Variants in HS3ST2 observed in about 807,000 individuals in gnomAD.
HS3ST2 encodes the protein heparan sulfate-glucosamine 3-sulfotransferase 2, also known as heparan sulfate glucosamine 3-O-sulfotransferase 2.
A neutral mutation model predicts 26.3 loss-of-function variants in HS3ST2; 17 were observed. The ratio of observed to expected loss-of-function variants is 0.65; its 90% CI spans 0.44 to 0.97. The LOEUF (loss-of-function observed/expected upper bound fraction) is 0.97. Among genes scored for constraint, HS3ST2 ranks in the 50% least tolerant of loss-of-function variants. The probability of loss-of-function intolerance (pLI) is 0.00; values close to 1 mark genes in which losing one functional copy is unlikely to be tolerated. For synonymous variants in HS3ST2, 237 were observed against 219.2 expected, an observed-to-expected ratio of 1.08 and a Z score of -0.72; for missense variants, 402 against 501.2, an observed-to-expected ratio of 0.80 and a Z score of 1.89.
chr16:22,864,730 G>A (rs561064827), intron 1 of HS3ST2, among the ~76,000 whole-genome samples: 1 of 152,080 alleles, frequency 6.6e-6, no homozygotes, highest in Non-Finnish European at 1.5e-5. Flanking sequence ...TCCAAGTGCT[G>A]CTGTTTTAAA....
At chr16:22,833,710 A>G (rs1901209023) in intron 1 of HS3ST2, among the ~76,000 whole-genome samples, 1 of 152,190 alleles carries the variant, frequency 6.6e-6, no homozygotes, top group Non-Finnish European at 1.5e-5. Context: ...AAAACAGTGG[A>G]ATCACACTAC....
chr16:22,852,701 G>A (rs968425267), intron 1 of HS3ST2, among the ~76,000 whole-genome samples: 5 of 152,096 alleles, frequency 3.3e-5, no homozygotes, highest in South Asian at 2.1e-4. Context: ...TTATTAATGC[G>A]TGTTTCTCCT....
intron 1 of HS3ST2, among the ~76,000 whole-genome samples, chr16:22,908,677 T>A (rs1385649519): frequency 2.6e-5 from 4 of 152,126 alleles, no homozygotes; most frequent in African/African-American, 9.7e-5. Context: ...ACTCTCATGA[T>A]AAACCACTAA....
intron 1 of HS3ST2, among the ~76,000 whole-genome samples, chr16:22,863,037 G>C (rs1024237122): frequency 2.0e-5 from 3 of 152,226 alleles, no homozygotes; most frequent in Admixed American, 2.0e-4. Flanking sequence ...GCCGACTACA[G>C]ACAGTCTTCC....
At chr16:22,824,646 C>T (rs1015043883) in intron 1 of HS3ST2, among the ~76,000 whole-genome samples, 1 of 152,202 alleles carries the variant, frequency 6.6e-6, no homozygotes, top group Non-Finnish European at 1.5e-5. Flanking sequence ...AGTTTAATTT[C>T]ACTGGATCAA....
chr16:22,886,962 G>C (rs1250660447), intron 1 of HS3ST2, among the ~76,000 whole-genome samples: 1 of 152,032 alleles, frequency 6.6e-6, no homozygotes, highest in Non-Finnish European at 1.5e-5. Flanking sequence ...ATGTTGCCCA[G>C]GCCAGTCTCA....
intron 1 of HS3ST2, among the ~76,000 whole-genome samples, chr16:22,821,818 C>T (rs969871721): frequency 1.3e-5 from 2 of 152,098 alleles, no homozygotes; most frequent in Non-Finnish European, 2.9e-5. Flanking sequence ...GGGAAATGAC[C>T]TTGTGCTTCT....
intron 1 of HS3ST2, among the ~76,000 whole-genome samples, chr16:22,835,678 C>CA (rs958565252): frequency 4.6e-5 from 7 of 151,716 alleles, no homozygotes; most frequent in Admixed American, 2.0e-4. Flanking sequence ...TTACAAATCA[C>CA]AAAAAAAGGA....
intron 1 of HS3ST2, among the ~76,000 whole-genome samples, chr16:22,864,212 A>T (rs1043556441): frequency 2.0e-5 from 3 of 152,066 alleles, no homozygotes; most frequent in African/African-American, 7.2e-5. Context: ...CTTCTGGAGG[A>T]GGTGTTATGA....
intron 1 of HS3ST2, among the ~76,000 whole-genome samples, chr16:22,839,515 A>C (rs998727593): frequency 6.6e-6 from 1 of 152,142 alleles, no homozygotes; most frequent in Non-Finnish European, 1.5e-5. Flanking sequence ...TTCTTGACTC[A>C]AAAGCTGCTG....
At chr16:22,835,235 C>T (rs575742251) in intron 1 of HS3ST2, among the ~76,000 whole-genome samples, 1 of 151,556 alleles carries the variant, frequency 6.6e-6, no homozygotes, top group Non-Finnish European at 1.5e-5. Context: ...ATTGGTGGAG[C>T]CTTCTTTATT....
At chr16:22,901,063 C>T (rs879605386) in intron 1 of HS3ST2, among the ~76,000 whole-genome samples, 13 of 152,110 alleles carry the variant, frequency 8.5e-5, no homozygotes, top group African/African-American at 1.9e-4. Context: ...TAGATGGTCA[C>T]GGTGCATTAC....
intron 1 of HS3ST2, among the ~76,000 whole-genome samples, chr16:22,824,669 A>G (rs551265954): frequency 1.1e-4 from 16 of 152,304 alleles, no homozygotes; most frequent in South Asian, 4.1e-4. Context: ...GCGGAAGACA[A>G]TGCAACTTCT....
intron 1 of HS3ST2, among the ~76,000 whole-genome samples, chr16:22,897,093 G>T (rs898302610): frequency 3.7e-4 from 57 of 152,246 alleles, no homozygotes; most frequent in African/African-American, 1.4e-3. Flanking sequence ...ACAGGCGTGT[G>T]CCACCACGCT....
chr16:22,881,295 A>G lies in HS3ST2; in HGVS notation c.486-33649A>G, dbSNP rs938829647. 1.8e-4 allele frequency among the ~76,000 whole-genome samples: 27 copies of G among 152,118 alleles called. 1 individual carries two copies. Among genetic ancestry groups the G allele is most frequent in the Non-Finnish European group, 1.5e-5 (1 of 68,022 alleles). On this transcript the variant is annotated intron_variant, in intron 1 of 1. Transcript: ENST00000261374. ...GAAATGCTGTTTCCCTTCCTCCTCC[A>G]CTGCTGAGCGTTGAGAGGACACTCT...
At chr16:22,881,581 C>A (rs1227067987) in intron 1 of HS3ST2, among the ~76,000 whole-genome samples, 1 of 152,158 alleles carries the variant, frequency 6.6e-6, no homozygotes, top group East Asian at 1.9e-4. Context: ...AGGAAGCTGA[C>A]AGGAATGGGA....
chr16:22,850,644 A>C (rs950101104), intron 1 of HS3ST2, among the ~76,000 whole-genome samples: 1 of 152,038 alleles, frequency 6.6e-6, no homozygotes, highest in East Asian at 1.9e-4. Flanking sequence ...AAAATTAGCG[A>C]GGTGTGGTGG....
At chr16:22,859,482 C>T (rs746744647) in intron 1 of HS3ST2, among the ~76,000 whole-genome samples, 1 of 152,178 alleles carries the variant, frequency 6.6e-6, no homozygotes, top group Non-Finnish European at 1.5e-5. Flanking sequence ...CACTGATTTA[C>T]TGCTTATACT....
chr16:22,820,842 G>A (rs1900980938), intron 1 of HS3ST2, among the ~76,000 whole-genome samples: 1 of 152,208 alleles, frequency 6.6e-6, no homozygotes, highest in Non-Finnish European at 1.5e-5. Context: ...ATGTTAACGT[G>A]TGAAAATACC....
Sources: gnomAD v4.1 joint callset for allele counts (sites outside exome capture counted in the v4.1 genomes callset) on GRCh38, gnomAD v4.1.1 for gene constraint, MANE v1.5 for transcripts, NCBI Gene and HGNC (gene_info 2026-07-23, HGNC 2026-07-21) for gene names.